CPS1: variants seen among roughly 807,000 people sequenced by gnomAD.
The protein encoded by CPS1 is carbamoyl-phosphate synthase 1.
Under a neutral mutation model 174.6 loss-of-function variants are expected in CPS1, and 109 were observed. The ratio of observed to expected loss-of-function variants is 0.62; its 90% CI spans 0.53 to 0.73. The LOEUF (loss-of-function observed/expected upper bound fraction) is 0.73, where lower values mean the gene tolerates loss of function less well. Among genes scored for constraint, CPS1 ranks in the 30% least tolerant of loss-of-function variants. CPS1 has a pLI of 0.00. For missense variants in CPS1, 1,689 were observed against 1,821.9 expected, an observed-to-expected ratio of 0.93 and a Z score of 1.33; for synonymous variants, 637 against 632.0, an observed-to-expected ratio of 1.01 and a Z score of -0.12.
intron 1 of CPS1, among the ~76,000 whole-genome samples, chr2:210,571,009 C>CA (rs1318736284): frequency 1.3e-5 from 2 of 151,902 alleles, no homozygotes; most frequent in Non-Finnish European, 2.9e-5. Flanking sequence ...CAAATTAAAA[C>CA]AAAATTTAGA....
chr2:210,556,878 G>T lies in CPS1; in HGVS notation c.126+19G>T, dbSNP rs987479260. Reference sequence around the variant, plus strand: ...TGTCAAGGTAATACCCATATTGATTGTTTCTGATAAAATACTATGGGGTAT... The same window carrying T: ...TGTCAAGGTAATACCCATATTGATTTTTTCTGATAAAATACTATGGGGTAT... On this transcript the variant is annotated intron_variant, in intron 1 of 37. Coordinates refer to ENST00000233072, the MANE Select transcript of CPS1 (RefSeq NM_001875.5). 3.1e-6 allele frequency: 5 copies of T among 1,611,952 alleles called. No homozygotes were observed. The highest frequency in any genetic ancestry group is 3.3e-5 in the Admixed American group (2 of 59,808).
At chr2:210,528,514 T>C (rs2105997119) in intron 1 of CPS1, among the ~76,000 whole-genome samples, 1 of 151,990 alleles carries the variant, frequency 6.6e-6, no homozygotes, top group Admixed American at 6.6e-5. Flanking sequence ...TGGAAATCAA[T>C]AAGTCAAAGA....
chr2:210,619,157 G>A (rs1699418400), intron 21 of CPS1: 1 of 152,114 alleles, frequency 6.6e-6, no homozygotes, highest in African/African-American at 2.4e-5. Flanking sequence ...TGGGAAAAGA[G>A]AAGTAAATTA....
At chr2:210,509,700 A>G (rs549479421) in intron 1 of CPS1, among the ~76,000 whole-genome samples, 3 of 152,198 alleles carry the variant, frequency 2.0e-5, no homozygotes, top group Non-Finnish European at 1.5e-5. Flanking sequence ...TACAAAATCA[A>G]TGTGCAAAAA....
intron 20 of CPS1, among the ~76,000 whole-genome samples, chr2:210,614,196 G>A (rs1438429040): frequency 6.6e-6 from 1 of 151,920 alleles, no homozygotes; most frequent in Non-Finnish European, 1.5e-5. Flanking sequence ...TTACAGTGAT[G>A]TTACATAGCA....
At position 210,651,769 on chromosome 2, in the gene CPS1, G is replaced by T. The variant is rs752654758; in HGVS notation, c.3480+1331G>T. ...AAACTACAGCAGCATCTGGGATACT[G>T]AATTCAATGACTCTAGAGTAAAACC... is the stretch of plus-strand genomic sequence containing the variant. On this transcript the variant is annotated intron_variant, in intron 28 of 37. Coordinates refer to ENST00000233072, the MANE Select transcript of CPS1 (RefSeq NM_001875.5). 3.4e-3 allele frequency among the ~76,000 whole-genome samples: 516 copies of T among 152,280 alleles called. 7 individuals are homozygous for T. Among genetic ancestry groups the T allele is most frequent in the Non-Finnish European group, 3.0e-3 (204 of 68,016 alleles).
intron 1 of CPS1, among the ~76,000 whole-genome samples, chr2:210,530,734 C>G (rs919499983): frequency 5.9e-5 from 9 of 151,862 alleles, no homozygotes; most frequent in Admixed American, 1.3e-4. Flanking sequence ...CTCTTTGTGC[C>G]CCAACTTCCA....
intron 1 of CPS1, among the ~76,000 whole-genome samples, chr2:210,505,172 A>G (rs1425441401): frequency 6.6e-6 from 1 of 151,948 alleles, no homozygotes; most frequent in Non-Finnish European, 1.5e-5. Flanking sequence ...TCATATTGCA[A>G]AGAAAGCACC....
At chr2:210,666,632 G>A (rs1323892603) in intron 33 of CPS1, among the ~76,000 whole-genome samples, 1 of 152,132 alleles carries the variant, frequency 6.6e-6, no homozygotes, top group Non-Finnish European at 1.5e-5. Context: ...AGATCAGATA[G>A]TTGTAGATAT....
intron 4 of CPS1, among the ~76,000 whole-genome samples, chr2:210,577,762 G>A (rs1697762930): frequency 6.6e-6 from 1 of 152,108 alleles, no homozygotes; most frequent in African/African-American, 2.4e-5. Context: ...ATTTGGGAAG[G>A]GAGGGGTAAG....
At chr2:210,584,288 G>C (rs779979864) in intron 6 of CPS1, among the ~76,000 whole-genome samples, 9 of 152,028 alleles carry the variant, frequency 5.9e-5, no homozygotes, top group African/African-American at 2.2e-4. Flanking sequence ...CTACCTTGGG[G>C]TTTATTTATA....
chr2:210,512,705 C>A (rs1335444585), intron 1 of CPS1, among the ~76,000 whole-genome samples: 2 of 118,844 alleles, frequency 1.7e-5, no homozygotes, highest in Non-Finnish European at 1.7e-5. Flanking sequence ...AATTTATTTT[C>A]TTTTGGATAC....
In CPS1 at chr2:210,588,043, T is replaced by G. The variant is rs746845709; in HGVS notation, c.622-15T>G. On this transcript the variant is annotated splice_polypyrimidine_tract_variant and intron_variant, in intron 6 of 37. Transcript: ENST00000233072. ...CTGGGACTTCCCTCTCATTCTCTGG[T>G]TTTTAAAATGGCAGGATGTCAAAGT... The G allele has an allele frequency of 1.2e-6, 2 of 1,611,930 alleles. No individual in the cohort carries two copies. The highest frequency in any genetic ancestry group is 1.7e-6 in the Non-Finnish European group (2 of 1,178,466).
intron 25 of CPS1, 39 bp downstream of exon 25, chr2:210,642,704 C>A (rs1386736058): frequency 6.4e-7 from 1 of 1,560,308 alleles, no homozygotes; most frequent in Non-Finnish European, 8.8e-7. Context: ...AAAAAGAAGA[C>A]AGATATATGT....
At chr2:210,669,754 T>A (rs1559138162) in intron 34 of CPS1, among the ~76,000 whole-genome samples, 1 of 152,232 alleles carries the variant, frequency 6.6e-6, no homozygotes, top group East Asian at 1.9e-4. Flanking sequence ...GTATTAAGTA[T>A]TATTAAGTCC....
chr2:210,604,310 C>T (rs1359405642), intron 16 of CPS1, among the ~76,000 whole-genome samples: 1 of 151,830 alleles, frequency 6.6e-6, no homozygotes, highest in African/African-American at 2.4e-5. Flanking sequence ...AAACTGCTTT[C>T]CCTTTCACTG....
At chr2:210,661,257 A>T (rs1574655169) in intron 32 of CPS1, among the ~76,000 whole-genome samples, 1 of 152,340 alleles carries the variant, frequency 6.6e-6, no homozygotes, top group South Asian at 2.1e-4. Context: ...TACCTTAATA[A>T]TAAAGCCATT....
chr2:210,657,665 A>C (rs1014627092), intron 30 of CPS1: 1 of 152,174 alleles, frequency 6.6e-6, no homozygotes, highest in Non-Finnish European at 1.5e-5. Flanking sequence ...GGTATATTAG[A>C]TCAGGCTCAG....
chr2:210,658,107 G>C (rs913831223), intron 30 of CPS1: 5 of 172,920 alleles, frequency 2.9e-5, no homozygotes, highest in African/African-American at 1.2e-4. Context: ...GGGAAACACT[G>C]TTTCCTTCTG....
Sources: allele counts gnomAD v4.1 joint callset (sites outside exome capture counted in the v4.1 genomes callset), GRCh38; gene constraint gnomAD v4.1.1; transcripts MANE v1.5; gene names NCBI Gene and HGNC (gene_info 2026-07-23, HGNC 2026-07-21).